METAP1D: variants seen among roughly 807,000 people sequenced by gnomAD.
METAP1D encodes methionyl aminopeptidase type 1D, mitochondrial, also known as methionine aminopeptidase 1D, mitochondrial.
METAP1D carries 31 observed loss-of-function variants against 40.5 expected under a neutral mutation model. That is an observed-to-expected ratio of 0.77 (90% CI 0.58 to 1.03). The LOEUF (loss-of-function observed/expected upper bound fraction) is 1.03, where lower values mean the gene tolerates loss of function less well. Among genes scored for constraint, METAP1D ranks in the 50% least tolerant of loss-of-function variants. The pLI is 0.00. For missense variants in METAP1D, 411 were observed against 420.7 expected (o/e 0.98, Z 0.20); for synonymous variants, 151 against 146.4 (o/e 1.03, Z -0.22).
At chr2:172,075,402 G>A (rs557958725) in intron 6 of METAP1D, among the ~76,000 whole-genome samples, 1 of 152,306 alleles carries the variant, frequency 6.6e-6, no homozygotes, top group East Asian at 1.9e-4. Context: ...AAGGGTTATG[G>A]CCTGTGGTGA....
chr2:172,043,106 TATATATA>T (rs1280465732), intron 1 of METAP1D, among the ~76,000 whole-genome samples: 64,680 of 111,534 alleles, frequency 0.58, 22,683 homozygotes, highest in Admixed American at 0.64. Flanking sequence ...CATATATATA[TATATATA>T]TATATTTTTT....
intron 1 of METAP1D, among the ~76,000 whole-genome samples, chr2:172,007,558 G>A (rs1370509001): frequency 1.3e-5 from 2 of 151,970 alleles, no homozygotes; most frequent in East Asian, 1.9e-4. Context: ...GTGTTGTATT[G>A]TTTTCTTTTA....
chr2:172,063,585 G>A, intron 2 of METAP1D, 126 bp from the exon 3 acceptor site: 1 of 738,204 alleles, frequency 1.4e-6, no homozygotes, highest in Non-Finnish European at 2.3e-6. Flanking sequence ...CTGTTGTGCT[G>A]GCTTCGGAGG....
chr2:172,026,127 G>C (rs1689115182), intron 1 of METAP1D, among the ~76,000 whole-genome samples: 2 of 152,088 alleles, frequency 1.3e-5, no homozygotes, highest in South Asian at 4.2e-4. Context: ...GCATTTGGCT[G>C]ATATGTCTCT....
chr2:172,072,689 T>C (rs1217517214), intron 6 of METAP1D, among the ~76,000 whole-genome samples: 2 of 152,184 alleles, frequency 1.3e-5, no homozygotes, highest in Non-Finnish European at 2.9e-5. Flanking sequence ...TCTTCTTCCA[T>C]TTTTACTCTC....
rs150605810 is a variant in METAP1D at position 172,014,111 on chromosome 2, C to T, written c.40+14102C>T. Among the ~76,000 whole-genome samples, 806 of 150,886 alleles carry T rather than the reference C, an allele frequency of 5.3e-3. 8 individuals are homozygous for T. Among genetic ancestry groups the T allele is most frequent in the African/African-American group, 0.017 (696 of 41,002 alleles). ...GTGCTGGGATTACAGGCGTGAGCCA[C>T]TGCATCTGGACTACTTTTTTTTTTG... On this transcript the variant is annotated intron_variant, in intron 1 of 9. Transcript: ENST00000315796.
Position 172,045,811 on chromosome 2 carries a change from GTGTGTGTGTATATATATATA to G in METAP1D, c.41-15685_41-15666del, listed in dbSNP as rs1396430820. On this transcript the variant is annotated intron_variant, in intron 1 of 9. Transcript: ENST00000315796. ...TATATGTATATATGTGTGTGTGTGT[GTGTGTGTGTATATATATATA>G]TATATATATATATATATATATATAT... Among the ~76,000 whole-genome samples, 49 of 51,730 alleles carry G rather than the reference GTGTGTGTGTATATATATATA, an allele frequency of 9.5e-4. No individual in the cohort carries two copies. In the South Asian group the frequency reaches 0.018, roughly 19 times the overall value. 33.9% of individuals were successfully genotyped at this position (51,730 alleles called of 152,430 possible).
intron 1 of METAP1D, among the ~76,000 whole-genome samples, chr2:172,012,080 T>A (rs1688739803): frequency 6.6e-6 from 1 of 152,250 alleles, no homozygotes; most frequent in Non-Finnish European, 1.5e-5. Flanking sequence ...GAGTCAGCAT[T>A]GTGATCATTC....
intron 8 of METAP1D, among the ~76,000 whole-genome samples, chr2:172,079,610 C>T (rs1690650732): frequency 6.6e-6 from 1 of 152,162 alleles, no homozygotes; most frequent in African/African-American, 2.4e-5. Context: ...TCTGGTGGCC[C>T]GTTCCTGGCT....
chr2:172,006,190 T>G (rs915307456), intron 1 of METAP1D, among the ~76,000 whole-genome samples: 4 of 47,962 alleles, frequency 8.3e-5, no homozygotes, highest in Non-Finnish European at 2.4e-4. Context: ...GTTTTTGTTT[T>G]TTTTTTTTTT....
chr2:172,017,463 G>A (rs990129204), intron 1 of METAP1D, among the ~76,000 whole-genome samples: 9 of 151,654 alleles, frequency 5.9e-5, no homozygotes, highest in African/African-American at 1.9e-4. Flanking sequence ...GGTGGCTCAC[G>A]TTCACCTGTA....
chr2:172,036,102 G>T (rs1406680980), intron 1 of METAP1D, among the ~76,000 whole-genome samples: 1 of 151,904 alleles, frequency 6.6e-6, no homozygotes, highest in Non-Finnish European at 1.5e-5. Context: ...CGGATCACTA[G>T]GTCAGGAGAT....
chr2:172,064,056 A>T (rs915207599), intron 3 of METAP1D, 196 bp downstream of exon 3: 1 of 618,788 alleles, frequency 1.6e-6, no homozygotes, highest in African/African-American at 1.9e-5. Flanking sequence ...TTATGTGTTT[A>T]TTCAAGAAGT....
chr2:172,015,764 A>G (rs1323950298), intron 1 of METAP1D, among the ~76,000 whole-genome samples: 3 of 152,154 alleles, frequency 2.0e-5, no homozygotes, highest in Non-Finnish European at 4.4e-5. Flanking sequence ...GTTCCAGACT[A>G]GCCTGGGCAA....
At chr2:172,072,875 A>G (rs1690456457) in intron 6 of METAP1D, among the ~76,000 whole-genome samples, 1 of 151,854 alleles carries the variant, frequency 6.6e-6, no homozygotes, top group Non-Finnish European at 1.5e-5. Flanking sequence ...GGTTTTTCAT[A>G]TTCTCTGACA....
At chr2:172,061,387 A>G (rs1452937176) in intron 1 of METAP1D, 111 bp from the exon 2 acceptor site, 4 of 919,404 alleles carry the variant, frequency 4.4e-6, no homozygotes, top group African/African-American at 3.3e-5. Context: ...TTCCTTTTTC[A>G]GTCAATAAGG....
chr2:172,008,313 A>G (rs768586234), intron 1 of METAP1D, among the ~76,000 whole-genome samples: 1 of 152,196 alleles, frequency 6.6e-6, no homozygotes, highest in African/African-American at 2.4e-5. Context: ...ACAAATGACA[A>G]TATTTTAATT....
intron 1 of METAP1D, among the ~76,000 whole-genome samples, chr2:172,001,932 C>G (rs917233313): frequency 1.5e-4 from 22 of 151,524 alleles, no homozygotes; most frequent in Admixed American, 3.3e-4. Flanking sequence ...CCTGTCTCTA[C>G]TAAAAATACA....
At chr2:172,027,716 A>G (rs985053676) in intron 1 of METAP1D, among the ~76,000 whole-genome samples, 10 of 152,156 alleles carry the variant, frequency 6.6e-5, no homozygotes, top group African/African-American at 2.4e-4. Flanking sequence ...TTCATTTTTA[A>G]TTTGTCTTCA....
Sources: allele counts gnomAD v4.1 joint callset (sites outside exome capture counted in the v4.1 genomes callset), GRCh38; gene constraint gnomAD v4.1.1; transcripts MANE v1.5; gene names NCBI Gene and HGNC (gene_info 2026-07-23, HGNC 2026-07-21).